FARSB: variants seen among roughly 807,000 people sequenced by gnomAD.
The protein encoded by FARSB is phenylalanine--tRNA ligase beta subunit.
A neutral mutation model predicts 69.6 loss-of-function variants in FARSB; 40 were observed. That is an observed-to-expected ratio of 0.57 (90% confidence interval 0.45 to 0.75). The LOEUF (loss-of-function observed/expected upper bound fraction) is 0.75, where lower values mean the gene tolerates loss of function less well. Ranked by LOEUF, FARSB falls within the 30% of genes least tolerant of loss-of-function variation. FARSB has a pLI of 0.00. For missense variants in FARSB, 632 were observed against 722.9 expected (o/e 0.87, Z 1.44); for synonymous variants, 235 against 247.2 (o/e 0.95, Z 0.46).
At chr2:222,641,153 T>C (rs921121) in intron 3 of FARSB, among the ~76,000 whole-genome samples, 43,487 of 151,472 alleles carry the variant, frequency 0.29, 6,459 homozygotes, top group Middle Eastern at 0.45. Flanking sequence ...AGATGCCTCA[T>C]AGTAATGTAT....
intron 5 of FARSB, among the ~76,000 whole-genome samples, chr2:222,635,244 A>G (rs1233537963): frequency 6.6e-6 from 1 of 152,208 alleles, no homozygotes; most frequent in Non-Finnish European, 1.5e-5. Flanking sequence ...CTAAAAGCCT[A>G]AGTCTTACCA....
chr2:222,614,705 G>A (rs1031823342), intron 14 of FARSB, among the ~76,000 whole-genome samples: 4 of 152,114 alleles, frequency 2.6e-5, no homozygotes, highest in African/African-American at 9.7e-5. Context: ...AGCTAGGTAT[G>A]GATACATGCC....
At chr2:222,635,299 G>A (rs1422723289) in intron 5 of FARSB, among the ~76,000 whole-genome samples, 1 of 152,150 alleles carries the variant, frequency 6.6e-6, no homozygotes, top group Non-Finnish European at 1.5e-5. Context: ...TTTGAAAGGA[G>A]GAACTTGGTC....
At chr2:222,579,525 G>C (rs1233071833) in intron 16 of FARSB, among the ~76,000 whole-genome samples, 1 of 152,144 alleles carries the variant, frequency 6.6e-6, no homozygotes, top group Admixed American at 6.6e-5. Context: ...AACAAAGCTG[G>C]AATTATTTCA....
rs143991245 is a variant in FARSB at position 222,595,921 on chromosome 2, C to CATAT, written c.1618+4003_1618+4006dup. On this transcript the variant is annotated intron_variant, in intron 16 of 16. Transcript: ENST00000281828. ...GAAGAAGCCTGAAAAAAAGAAAAAG[C>CATAT]ATATATATATATATATGCCATAATA... Among the ~76,000 whole-genome samples the CATAT allele has an allele frequency of 0.05, 7,462 of 149,142 alleles. 1,015 individuals are homozygous for CATAT. In the East Asian group the frequency reaches 0.52, roughly 10 times the overall value.
At chr2:222,572,850 C>T (rs1689749608) in intron 16 of FARSB, among the ~76,000 whole-genome samples, 1 of 152,186 alleles carries the variant, frequency 6.6e-6, no homozygotes, top group Non-Finnish European at 1.5e-5. Flanking sequence ...ACCAGTGCCA[C>T]AGTAAATTAT....
rs186219141 is a variant in FARSB at position 222,633,455 on chromosome 2, G to A, written c.607-148C>T. ...CCCAGCACTTTGGGAGGCTGAGGCC[G>A]GTGGATCACCTGAGGTTGGGAGTTC... On this transcript the variant is annotated intron_variant, in intron 6 of 16. Transcript: ENST00000281828. The A allele has an allele frequency of 1.1e-3, 487 of 461,590 alleles. 1 individual carries two copies. In the Admixed American group the frequency reaches 0.015, roughly 14 times the overall value. 28.6% of individuals were successfully genotyped at this position (461,590 alleles called of 1,614,324 possible).
intron 15 of FARSB, 76 bp from the exon 16 acceptor site, chr2:222,600,159 T>A (rs1690525167): frequency 8.1e-7 from 1 of 1,240,806 alleles, no homozygotes; most frequent in Non-Finnish European, 1.1e-6. Context: ...AGTACAAACT[T>A]AGAAAAAGTC....
intron 5 of FARSB, 32 bp from the exon 6 acceptor site, chr2:222,634,573 G>C (rs1465044435): frequency 6.4e-7 from 1 of 1,561,358 alleles, no homozygotes; most frequent in East Asian, 2.3e-5. Context: ...GAGAAGGAGG[G>C]AGGAAAGGAA....
Position 222,624,403 on chromosome 2 carries a change from T to C in FARSB, c.1039A>G (p.Ile347Val). Residue 347 changes from isoleucine to valine, a missense_variant, in exon 12 of 17, where the codon ATT becomes GTT. Physicochemically the swap from Ile to Val is conservative, Grantham distance 29 (BLOSUM62 3). Coordinates refer to ENST00000281828, the MANE Select transcript of FARSB (RefSeq NM_005687.5). ...KSEVIGDGNQIEIEIPPTRAD... is the reference protein window; with the variant it reads ...KSEVIGDGNQVEIEIPPTRAD... The stretch of plus-strand genomic sequence containing the variant: ...CTGGTTGGAGGGATTTCAATCTCAA[T>C]CTGATTCCCATCACCTATGACTTCT... 6.2e-7 allele frequency: 1 copy of C among 1,612,412 alleles called. No homozygotes were observed.
At chr2:222,596,174 A>G (rs1386737674) in intron 16 of FARSB, among the ~76,000 whole-genome samples, 1 of 152,126 alleles carries the variant, frequency 6.6e-6, no homozygotes, top group African/African-American at 2.4e-5. Flanking sequence ...AGCTACAACT[A>G]CGGGCTTTCT....
chr2:222,601,344 C>T (rs1437353172), intron 15 of FARSB, among the ~76,000 whole-genome samples: 1 of 151,796 alleles, frequency 6.6e-6, no homozygotes, highest in Non-Finnish European at 1.5e-5. Context: ...GCCTGTAATC[C>T]CAGCGCTTTG....
intron 15 of FARSB, among the ~76,000 whole-genome samples, chr2:222,605,161 T>C (rs76846550): frequency 1.5e-5 from 2 of 132,676 alleles, no homozygotes; most frequent in Non-Finnish European, 3.2e-5. Context: ...AATACAAACT[T>C]TCTCTCTCTC....
At chr2:222,623,294 C>T (rs867209739) in intron 13 of FARSB, among the ~76,000 whole-genome samples, 4 of 152,240 alleles carry the variant, frequency 2.6e-5, no homozygotes, top group East Asian at 1.9e-4. Context: ...TTACCCAGGA[C>T]GGCATCTAGT....
chr2:222,593,013 G>C (rs991176265), intron 16 of FARSB, among the ~76,000 whole-genome samples: 1 of 151,950 alleles, frequency 6.6e-6, no homozygotes, highest in Non-Finnish European at 1.5e-5. Context: ...AGCTGTCTTG[G>C]TTAACAGACT....
intron 16 of FARSB, among the ~76,000 whole-genome samples, chr2:222,574,922 TA>T (rs1302288283): frequency 6.6e-6 from 1 of 152,212 alleles, no homozygotes; most frequent in African/African-American, 2.4e-5. Context: ...ATATTACATG[TA>T]AACTAGAAAT....
rs1254062287 is a variant in FARSB at position 222,569,992 on chromosome 2, A to G, written c.*1879T>C. ...TTCTAAAGTCACAATGTAACATTTT[A>G]CATTGTGACTCACCAGCAGTGCATG... On this transcript the variant is annotated 3_prime_UTR_variant, in exon 17 of 17. Transcript: ENST00000281828. 6.6e-6 allele frequency among the ~76,000 whole-genome samples: 1 copy of G among 152,192 alleles called. No individual in the cohort carries two copies. Among genetic ancestry groups the G allele is most frequent in the East Asian group, 1.9e-4 (1 of 5,198 alleles).
chr2:222,579,693 A>G (rs747209500), intron 16 of FARSB, among the ~76,000 whole-genome samples: 12 of 152,198 alleles, frequency 7.9e-5, no homozygotes, highest in African/African-American at 2.2e-4. Flanking sequence ...TTCACTTAAT[A>G]TATGAAAAAA....
At chr2:222,617,869 C>T (rs1235194506) in intron 14 of FARSB, among the ~76,000 whole-genome samples, 3 of 151,904 alleles carry the variant, frequency 2.0e-5, no homozygotes, top group Non-Finnish European at 4.4e-5. Context: ...GGCAAGAGAG[C>T]GAAGCTCTGT....
Sources: allele counts gnomAD v4.1 joint callset (sites outside exome capture counted in the v4.1 genomes callset), GRCh38; gene constraint gnomAD v4.1.1; transcripts MANE v1.5; gene names NCBI Gene and HGNC (gene_info 2026-07-23, HGNC 2026-07-21).